Variants in HIVEP1 observed in about 807,000 individuals in gnomAD.
HIVEP1 encodes zinc finger protein 40.
In HIVEP1, 36 loss-of-function variants were observed where a neutral mutation model predicts 180.0. The ratio of observed to expected loss-of-function variants is 0.20; its 90% CI spans 0.15 to 0.26. HIVEP1 has a LOEUF of 0.26. HIVEP1 is among the 10% of genes least tolerant of loss of function. The pLI is 1.00. For synonymous variants in HIVEP1, 1,239 were observed against 1,239.0 expected (o/e 1.00, Z 0.00); for missense variants, 3,143 against 3,268.7 (o/e 0.96, Z 0.94).
In HIVEP1 at chr6:12,129,656, G is replaced by T. The variant is rs116008106; in HGVS notation, c.6076-103G>T. On this transcript the variant is annotated intron_variant, in intron 4 of 8. Coordinates refer to ENST00000379388, the MANE Select transcript of HIVEP1 (RefSeq NM_002114.4). ...TTACTACTTTGAAATGCATTTCGTT[G>T]ACCATATGCTCTGTACTCTGCCATG... The T allele has an allele frequency of 1.9e-3, 1,694 of 910,110 alleles. 17 individuals are homozygous for T. In the African/African-American group the frequency reaches 0.026, roughly 14 times the overall value. The allele number at this position is 910,110 out of a possible 1,614,324, so 56.4% of individuals were successfully genotyped here. A position where few individuals can be genotyped will look rare whatever the true frequency, so the allele number is the denominator to read the frequency against.
rs1759567036 is a variant in HIVEP1 at position 12,149,484 on chromosome 6, A to T, written c.6488-11955A>T. Among the ~76,000 whole-genome samples, 3 of 152,268 alleles carry T rather than the reference A, an allele frequency of 2.0e-5. No individual in the cohort carries two copies. The South Asian group carries it at 6.2e-4, about 32-fold the overall frequency. ...TTCATTCATTAAACAAAATGTACTA[A>T]ACACTTAAGAGGCAGTCAGTGTTAC... is the stretch of plus-strand genomic sequence containing the variant. On this transcript the variant is annotated intron_variant, in intron 7 of 8. Transcript: ENST00000379388.
chr6:12,100,688 CCTT>C (rs1437416424), intron 3 of HIVEP1, among the ~76,000 whole-genome samples: 1 of 152,148 alleles, frequency 6.6e-6, no homozygotes, highest in Non-Finnish European at 1.5e-5. Flanking sequence ...GCTGAATCAA[CCTT>C]CTGCTAAGTG....
At chr6:12,059,554 GCTT>G (rs775850590) in intron 2 of HIVEP1, among the ~76,000 whole-genome samples, 11 of 152,174 alleles carry the variant, frequency 7.2e-5, no homozygotes, top group Non-Finnish European at 8.8e-5. Context: ...GATCTTGACT[GCTT>G]CTTCTGCCAC....
intron 2 of HIVEP1, among the ~76,000 whole-genome samples, chr6:12,071,663 T>C (rs1385241562): frequency 1.3e-5 from 2 of 152,170 alleles, no homozygotes; most frequent in East Asian, 3.8e-4. Flanking sequence ...TGTTAGAAAA[T>C]AGATTGGGAG....
intron 7 of HIVEP1, among the ~76,000 whole-genome samples, chr6:12,150,347 G>A (rs992203259): frequency 1.3e-5 from 2 of 152,138 alleles, no homozygotes; most frequent in African/African-American, 4.8e-5. Context: ...TTCAGTGCAC[G>A]GAATGTTAAT....
the HIVEP1 span, among the ~76,000 whole-genome samples, chr6:12,196,685 C>T: frequency 2.6e-5 from 4 of 152,140 alleles, no homozygotes; most frequent in African/African-American, 9.7e-5. Context: ...TTGTGATTTC[C>T]ATTTGTGACA....
At chr6:12,023,818 A>G (rs1238137229) in intron 2 of HIVEP1, among the ~76,000 whole-genome samples, 1 of 152,232 alleles carries the variant, frequency 6.6e-6, no homozygotes, top group African/African-American at 2.4e-5. Context: ...ATTTTTGTAC[A>G]AAATATGTTC....
Position 12,163,913 on chromosome 6 carries a change from C to T in HIVEP1, c.7609C>T (p.Pro2537Ser), listed in dbSNP as rs757264968. 1 of 1,614,186 alleles carries T rather than the reference C, an allele frequency of 6.2e-7. No homozygotes were observed. Among genetic ancestry groups the T allele is most frequent in the Non-Finnish European group, 8.5e-7 (1 of 1,180,026 alleles). Residue 2537 changes from proline (P) to serine (S), a missense_variant, in exon 9 of 9, where the codon CCT (proline) becomes TCT (serine). Physicochemically the swap from Pro to Ser is moderately conservative, Grantham distance 74 (BLOSUM62 -1). Around this residue, in one of 12 missense-constraint regions of HIVEP1, gnomAD observed 595 missense variants for 602.2 expected, o/e 0.99. Coordinates refer to ENST00000379388, the MANE Select transcript of HIVEP1 (RefSeq NM_002114.4). ...ANPSSQSSPA[P>S]QAHIPGLQIL... The stretch of plus-strand genomic sequence containing the variant: ...CCCTTCATCACAAAGCAGCCCCGCC[C>T]CTCAGGCACACATTCCAGGTCTCCA...
intron 3 of HIVEP1, among the ~76,000 whole-genome samples, chr6:12,091,403 G>A (rs925213432): frequency 1.3e-5 from 2 of 151,962 alleles, no homozygotes; most frequent in African/African-American, 2.4e-5. Flanking sequence ...TCCATTAAAG[G>A]TTCTGTGGTC....
chr6:12,174,196 A>T, the HIVEP1 span, among the ~76,000 whole-genome samples: 2 of 152,222 alleles, frequency 1.3e-5, no homozygotes, highest in East Asian at 1.9e-4. Flanking sequence ...TATGTTAACT[A>T]TTCTAATGAA....
intron 2 of HIVEP1, among the ~76,000 whole-genome samples, chr6:12,049,337 T>G (rs75938387): frequency 0.019 from 2,820 of 152,288 alleles, 83 homozygotes; most frequent in African/African-American, 0.065. Flanking sequence ...TCTTCCTCTC[T>G]CTAAGATTTG....
intron 3 of HIVEP1, among the ~76,000 whole-genome samples, chr6:12,091,183 A>G (rs1398131012): frequency 6.6e-6 from 1 of 152,100 alleles, no homozygotes; most frequent in Non-Finnish European, 1.5e-5. Context: ...GCTGATACCT[A>G]TTTTATTTTA....
upstream of HIVEP1, chr6:12,007,827 G>A (rs886824163): frequency 2.0e-5 from 3 of 152,074 alleles, no homozygotes; most frequent in African/African-American, 4.8e-5. Context: ...CAGCGATCAT[G>A]TAAATAACTG....
chr6:12,026,663 C>G (rs1021030737), intron 2 of HIVEP1, among the ~76,000 whole-genome samples: 11 of 152,098 alleles, frequency 7.2e-5, no homozygotes, highest in Admixed American at 2.6e-4. Context: ...TAAAGAAGAT[C>G]GTTCGGTGGC....
At chr6:12,191,194 G>A in the HIVEP1 span, among the ~76,000 whole-genome samples, 3 of 152,242 alleles carry the variant, frequency 2.0e-5, no homozygotes, top group African/African-American at 7.2e-5. Context: ...TAAGAGGTAA[G>A]CTAATATATT....
chr6:12,103,826 A>C (rs752627474), intron 3 of HIVEP1, among the ~76,000 whole-genome samples: 18 of 152,142 alleles, frequency 1.2e-4, no homozygotes, highest in African/African-American at 2.9e-4. Context: ...AATAGAATAC[A>C]ATATTCTCAT....
intron 2 of HIVEP1, among the ~76,000 whole-genome samples, chr6:12,053,676 G>A (rs1430219612): frequency 6.6e-6 from 1 of 151,896 alleles, no homozygotes; most frequent in Non-Finnish European, 1.5e-5. Context: ...GCTCTGTTGG[G>A]GGCTGTGTAC....
intron 2 of HIVEP1, among the ~76,000 whole-genome samples, chr6:12,074,619 AGTGTGTG>A (rs1772217589): frequency 7.2e-6 from 1 of 138,768 alleles, no homozygotes; most frequent in African/African-American, 2.6e-5. Context: ...TGTATGAAAA[AGTGTGTG>A]TGTGTGTGTG....
chr6:12,107,939 T>C (rs1774558828), intron 3 of HIVEP1, among the ~76,000 whole-genome samples: 1 of 152,052 alleles, frequency 6.6e-6, no homozygotes, highest in African/African-American at 2.4e-5. Context: ...CCAGATTAGC[T>C]AGATACAGAG....
Sources: gnomAD v4.1 joint callset for allele counts (sites outside exome capture counted in the v4.1 genomes callset) on GRCh38, gnomAD v4.1.1 for gene constraint, gnomAD v4.1.1 regional missense constraint, MANE v1.5 for transcripts, NCBI Gene and HGNC (gene_info 2026-07-23, HGNC 2026-07-21) for gene names.